NAALADL2: variants seen among roughly 807,000 people sequenced by gnomAD.
The protein encoded by NAALADL2 is inactive N-acetylated-alpha-linked acidic dipeptidase-like protein 2.
A neutral mutation model predicts 87.2 loss-of-function variants in NAALADL2; 76 were observed. The ratio of observed to expected loss-of-function variants is 0.87; its 90% CI spans 0.72 to 1.05. The LOEUF (loss-of-function observed/expected upper bound fraction) is 1.05, where lower values mean the gene tolerates loss of function less well. Ranked by LOEUF, NAALADL2 falls within the 50% of genes least tolerant of loss-of-function variation. The pLI, the probability that NAALADL2 is intolerant of heterozygous loss-of-function variation, is 0.00. For missense variants in NAALADL2, 1,089 were observed against 945.8 expected (o/e 1.15, Z -1.99); for synonymous variants, 354 against 331.0 (o/e 1.07, Z -0.75).
At chr3:175,427,684 A>G (rs929093917) in intron 5 of NAALADL2, among the ~76,000 whole-genome samples, 1 of 152,158 alleles carries the variant, frequency 6.6e-6, no homozygotes, top group Non-Finnish European at 1.5e-5. Flanking sequence ...TAAAAATATT[A>G]CATTTCTTGT....
chr3:175,364,164 A>G (rs1362004617), intron 5 of NAALADL2, among the ~76,000 whole-genome samples: 1 of 147,810 alleles, frequency 6.8e-6, no homozygotes, highest in Non-Finnish European at 1.5e-5. Flanking sequence ...ACACTCACAA[A>G]CTTGTGTGCT....
chr3:175,019,606 G>A (rs1751306951), intron 1 of NAALADL2, among the ~76,000 whole-genome samples: 1 of 151,870 alleles, frequency 6.6e-6, no homozygotes, highest in South Asian at 2.1e-4. Flanking sequence ...ACAAACCTAA[G>A]TTATGAGTTT....
rs1729513031 is a variant in NAALADL2, at chr3:174,882,756, TATATATACACAC to T, written c.43+23307_43+23318del. Among the ~76,000 whole-genome samples the T allele has an allele frequency of 1.6e-4, 22 of 139,856 alleles. No homozygotes were observed. The Admixed American group carries it at 1.6e-3, about 10-fold the overall frequency. The allele number at this position is 139,856 out of a possible 152,430, so 91.8% of individuals were successfully genotyped here. A position where few individuals can be genotyped will look rare whatever the true frequency, so the allele number is the denominator to read the frequency against. On this transcript the variant is annotated intron_variant, in intron 1 of 13. Transcript: ENST00000454872. ...GTATCTATGTGTATATACACACGTG[TATATATACACAC>T]GTGTATATATACATATGTGTATATA...
intron 11 of NAALADL2, among the ~76,000 whole-genome samples, chr3:175,709,317 T>C (rs1248788140): frequency 1.3e-5 from 2 of 152,242 alleles, no homozygotes; most frequent in Non-Finnish European, 1.5e-5. Flanking sequence ...TGACACCTCC[T>C]GTTTTATACT....
chr3:175,754,440 GA>G (rs1746998967), intron 12 of NAALADL2, among the ~76,000 whole-genome samples: 1 of 152,146 alleles, frequency 6.6e-6, no homozygotes, highest in African/African-American at 2.4e-5. Context: ...CTAACAATTG[GA>G]AAAGAAACAA....
chr3:175,122,158 C>T (rs1726253977), intron 2 of NAALADL2, among the ~76,000 whole-genome samples: 1 of 151,734 alleles, frequency 6.6e-6, no homozygotes, highest in African/African-American at 2.4e-5. Context: ...TAAATAAGCC[C>T]CTGCCTATGC....
At chr3:174,911,218 A>G (rs1012399627) in intron 1 of NAALADL2, among the ~76,000 whole-genome samples, 1 of 152,142 alleles carries the variant, frequency 6.6e-6, no homozygotes, top group Non-Finnish European at 1.5e-5. Flanking sequence ...ACATAGGTCC[A>G]CAGGTTTGGA....
rs574424072 is a variant in NAALADL2, at chr3:175,458,399, G to A, written c.1235-5002G>A. Among the ~76,000 whole-genome samples the A allele has an allele frequency of 1.3e-4, 20 of 149,740 alleles. No individual in the cohort carries two copies. The South Asian group carries it at 3.0e-3, about 22-fold the overall frequency. On this transcript the variant is annotated intron_variant, in intron 6 of 13. Transcript: ENST00000454872. ...GGGTGTTATACACACACATACACAC[G>A]GTTTTGTATATATGTATGTTCTCAT...
intron 1 of NAALADL2, among the ~76,000 whole-genome samples, chr3:174,950,757 A>G (rs569276522): frequency 4.6e-5 from 7 of 152,192 alleles, no homozygotes; most frequent in Non-Finnish European, 1.0e-4. Context: ...GTAATATGAC[A>G]TACTTAGCAT....
intron 11 of NAALADL2, among the ~76,000 whole-genome samples, chr3:175,727,897 GA>G: frequency 6.6e-6 from 1 of 152,136 alleles, no homozygotes; most frequent in East Asian, 1.9e-4. Context: ...GCTTATACAT[GA>G]AACTCTCTTG....
At chr3:175,776,713 C>T (rs1750291848) in intron 13 of NAALADL2, among the ~76,000 whole-genome samples, 1 of 152,098 alleles carries the variant, frequency 6.6e-6, no homozygotes, top group Non-Finnish European at 1.5e-5. Flanking sequence ...ATGATTAAAT[C>T]TCAATTCATG....
chr3:175,195,513 C>A (rs1032244395), intron 2 of NAALADL2, among the ~76,000 whole-genome samples: 1 of 151,750 alleles, frequency 6.6e-6, no homozygotes, highest in Non-Finnish European at 1.5e-5. Context: ...GAAGGGAGGG[C>A]ATGAGCCATG....
intron 1 of NAALADL2, among the ~76,000 whole-genome samples, chr3:175,028,563 A>C (rs1198794474): frequency 6.6e-6 from 1 of 152,104 alleles, no homozygotes; most frequent in African/African-American, 2.4e-5. Flanking sequence ...ATATTATTTA[A>C]GACTTTCATG....
At chr3:175,551,166 A>G (rs535024404) in intron 9 of NAALADL2, among the ~76,000 whole-genome samples, 1 of 152,176 alleles carries the variant, frequency 6.6e-6, no homozygotes, top group South Asian at 2.1e-4. Context: ...TGGCTAAGCT[A>G]CAGGCAATAC....
intron 1 of NAALADL2, among the ~76,000 whole-genome samples, chr3:174,881,806 G>A (rs558200200): frequency 3.3e-5 from 5 of 152,088 alleles, no homozygotes; most frequent in Non-Finnish European, 4.4e-5. Context: ...AATCTGGGTC[G>A]GATAAGTATG....
At position 175,111,037 on chromosome 3, in the gene NAALADL2, A is replaced by T. The variant is rs77725294; in HGVS notation, c.545+13746A>T. 7.0e-3 allele frequency among the ~76,000 whole-genome samples: 1,062 copies of T among 151,806 alleles called. 12 individuals are homozygous for T. The highest frequency in any genetic ancestry group is 0.024 in the African/African-American group (1,010 of 41,480). On this transcript the variant is annotated intron_variant, in intron 2 of 13. Transcript: ENST00000454872. ...AGAAAATTCTTAGAAGAAGGGAAGA[A>T]AAAAGGCTACCCTGTAAGCTAATGG...
intron 1 of NAALADL2, among the ~76,000 whole-genome samples, chr3:174,953,750 G>T (rs1239138977): frequency 1.3e-5 from 2 of 151,912 alleles, no homozygotes; most frequent in Non-Finnish European, 2.9e-5. Context: ...CCCCGGAGCA[G>T]GTTACCACAT....
At chr3:175,383,779 A>G (rs1202323707) in intron 5 of NAALADL2, among the ~76,000 whole-genome samples, 1 of 152,084 alleles carries the variant, frequency 6.6e-6, no homozygotes, top group Non-Finnish European at 1.5e-5. Context: ...GTTGAGAATT[A>G]TCAAACCCTT....
chr3:175,685,832 T>G (rs1277809793), intron 11 of NAALADL2, among the ~76,000 whole-genome samples: 1 of 152,190 alleles, frequency 6.6e-6, no homozygotes, highest in Non-Finnish European at 1.5e-5. Context: ...TCTTGTTCTA[T>G]TCAGGCTTTC....
Sources: gnomAD v4.1 joint callset for allele counts (sites outside exome capture counted in the v4.1 genomes callset) on GRCh38, gnomAD v4.1.1 for gene constraint, MANE v1.5 for transcripts, NCBI Gene and HGNC (gene_info 2026-07-23, HGNC 2026-07-21) for gene names.